PTCSC3: variants seen among roughly 807,000 people sequenced by gnomAD.
The protein encoded by PTCSC3 is papillary thyroid carcinoma susceptibility candidate 3.
At chr14:36,169,453 A>G (rs1882154454) in intron 1 of PTCSC3, among the ~76,000 whole-genome samples, 2 of 152,172 alleles carry the variant, frequency 1.3e-5, no homozygotes, top group South Asian at 4.1e-4. Flanking sequence ...GGATTCAGGT[A>G]CAATCAGAAT....
intron 2 of PTCSC3, among the ~76,000 whole-genome samples, chr14:36,159,982 C>A (rs1363621452): frequency 6.6e-6 from 1 of 152,134 alleles, no homozygotes; most frequent in Admixed American, 6.6e-5. Context: ...TATGTAATGG[C>A]CTTCTTTGTC....
intron 1 of PTCSC3, among the ~76,000 whole-genome samples, chr14:36,166,297 A>G (rs1882085339): frequency 1.3e-5 from 2 of 152,162 alleles, no homozygotes; most frequent in South Asian, 2.1e-4. Context: ...AATACGCTAC[A>G]GAGAACGTAA....
At chr14:36,168,376 T>G (rs1882134849) in intron 1 of PTCSC3, among the ~76,000 whole-genome samples, 2 of 142,134 alleles carry the variant, frequency 1.4e-5, no homozygotes, top group Admixed American at 1.4e-4. Context: ...TATATATATA[T>G]ATATATATAT....
intron 3 of PTCSC3, among the ~76,000 whole-genome samples, chr14:36,152,918 A>G (rs1881755210): frequency 6.6e-6 from 1 of 152,022 alleles, no homozygotes; most frequent in Non-Finnish European, 1.5e-5. Flanking sequence ...AAAGAAAGAA[A>G]GAAAGAAAAA....
intron 3 of PTCSC3, among the ~76,000 whole-genome samples, chr14:36,143,659 T>C (rs1286070911): frequency 2.0e-5 from 3 of 149,420 alleles, no homozygotes; most frequent in Non-Finnish European, 3.0e-5. Context: ...GCTCTTTAGT[T>C]TAATTAGATC....
At chr14:36,158,162 A>T (rs1465489928) in intron 2 of PTCSC3, among the ~76,000 whole-genome samples, 1 of 152,152 alleles carries the variant, frequency 6.6e-6, no homozygotes, top group Non-Finnish European at 1.5e-5. Context: ...GGCTGAGATG[A>T]TGGGGTTTTC....
chr14:36,155,330 T>G (rs2139101033), intron 2 of PTCSC3, among the ~76,000 whole-genome samples: 1 of 152,266 alleles, frequency 6.6e-6, no homozygotes, highest in South Asian at 2.1e-4. Flanking sequence ...AGTAAAAACT[T>G]TATCAAGAAA....
intron 3 of PTCSC3, among the ~76,000 whole-genome samples, chr14:36,152,269 T>A (rs1881740421): frequency 6.7e-6 from 1 of 148,412 alleles, no homozygotes; most frequent in South Asian, 2.1e-4. Context: ...TTTATTAAAA[T>A]AAAAAAAAAA....
intron 3 of PTCSC3, among the ~76,000 whole-genome samples, chr14:36,142,221 C>T (rs10150608): frequency 0.62 from 93,765 of 152,028 alleles, 29,625 homozygotes; most frequent in Middle Eastern, 0.69. Flanking sequence ...GCTGAGAGTT[C>T]TGATCATGAA....
intron 2 of PTCSC3, among the ~76,000 whole-genome samples, chr14:36,155,013 A>G (rs765804297): frequency 4.6e-5 from 7 of 152,132 alleles, no homozygotes; most frequent in Non-Finnish European, 7.4e-5. Flanking sequence ...TGAGTATTAT[A>G]TTCTCTGCTG....
chr14:36,158,614 T>C (rs954318807), intron 2 of PTCSC3, among the ~76,000 whole-genome samples: 2 of 152,196 alleles, frequency 1.3e-5, no homozygotes, highest in African/African-American at 2.4e-5. Flanking sequence ...AGCTTGATCA[T>C]GGTGGAAAAG....
intron 2 of PTCSC3, among the ~76,000 whole-genome samples, chr14:36,160,406 T>C (rs577666450): frequency 1.3e-5 from 2 of 152,324 alleles, no homozygotes; most frequent in South Asian, 4.1e-4. Context: ...TCAGGAGCTC[T>C]TGTAAGGCAG....
intron 1 of PTCSC3, among the ~76,000 whole-genome samples, chr14:36,168,397 A>C (rs933181965): frequency 8.1e-6 from 1 of 123,954 alleles, no homozygotes; most frequent in East Asian, 2.5e-4. Flanking sequence ...ATATATATAT[A>C]TTCTACTTTT....
intron 2 of PTCSC3, among the ~76,000 whole-genome samples, chr14:36,162,257 G>GAAAA (rs1281172228): frequency 3.4e-5 from 2 of 59,636 alleles, no homozygotes; most frequent in African/African-American, 1.5e-4. Flanking sequence ...GCTGGGGTAT[G>GAAAA]GAAAAAAAAA....
At chr14:36,148,659 T>C (rs1477152098) in intron 3 of PTCSC3, among the ~76,000 whole-genome samples, 1 of 152,250 alleles carries the variant, frequency 6.6e-6, no homozygotes, top group Non-Finnish European at 1.5e-5. Context: ...AGACCGGAGC[T>C]GTTCCTATTC....
At chr14:36,153,355 G>C (rs575389218) in intron 3 of PTCSC3, among the ~76,000 whole-genome samples, 1 of 152,148 alleles carries the variant, frequency 6.6e-6, no homozygotes, top group Non-Finnish European at 1.5e-5. Context: ...AATAGCCATT[G>C]AGCCTATGAA....
rs1881733948 is a variant in PTCSC3 at position 36,151,995 on chromosome 14, C to G, written n.322+1809G>C. On this transcript the variant is annotated intron_variant and non_coding_transcript_variant, in intron 3 of 3. Coordinates refer to ENST00000556013, the Ensembl canonical transcript of PTCSC3. Reference sequence around the variant, plus strand: ...CATTGTGATTTGTAACTGCAATGCTCTGATGGATCTAAGAAGATTTGTTGA... The same window carrying G: ...CATTGTGATTTGTAACTGCAATGCTGTGATGGATCTAAGAAGATTTGTTGA... Among the ~76,000 whole-genome samples the G allele has an allele frequency of 2.6e-5, 4 of 152,150 alleles. No homozygotes were observed. The South Asian group carries it at 6.2e-4, about 24-fold the overall frequency.
At chr14:36,148,831 T>G (rs1295779713) in intron 3 of PTCSC3, among the ~76,000 whole-genome samples, 2 of 152,236 alleles carry the variant, frequency 1.3e-5, no homozygotes, top group South Asian at 4.1e-4. Flanking sequence ...AAAATAGTCT[T>G]TATTATCCTT....
At chr14:36,175,850 T>C (rs1016550714) in intron 1 of PTCSC3, among the ~76,000 whole-genome samples, 1 of 152,214 alleles carries the variant, frequency 6.6e-6, no homozygotes, top group Non-Finnish European at 1.5e-5. Context: ...AAATGAGACA[T>C]GATTGTTGTG....
Sources: gnomAD v4.1 joint callset for allele counts (sites outside exome capture counted in the v4.1 genomes callset) on GRCh38, gnomAD v4.1.1 for gene constraint, MANE v1.5 for transcripts, NCBI Gene and HGNC (gene_info 2026-07-23, HGNC 2026-07-21) for gene names.